The following EYS variants were observed in gnomAD, a reference collection of about 807,000 sequenced individuals.
EYS encodes protein eyes shut homolog.
In EYS, 250 loss-of-function variants were observed where a neutral mutation model predicts 282.1. The ratio of observed to expected loss-of-function variants is 0.89; its 90% CI spans 0.80 to 0.98. The LOEUF (loss-of-function observed/expected upper bound fraction) is 0.98, where lower values mean the gene tolerates loss of function less well. Ranked by LOEUF, EYS falls within the 50% of genes least tolerant of loss-of-function variation. The probability of loss-of-function intolerance (pLI) is 0.00; values close to 1 mark genes in which losing one functional copy is unlikely to be tolerated. For missense variants in EYS, 4,016 were observed against 3,709.0 expected, an observed-to-expected ratio of 1.08 and a Z score of -2.15; for synonymous variants, 1,355 against 1,282.9, an observed-to-expected ratio of 1.06 and a Z score of -1.20.
intron 28 of EYS, among the ~76,000 whole-genome samples, chr6:64,422,142 TAGAC>T (rs1449681048): frequency 2.0e-5 from 3 of 151,722 alleles, no homozygotes; most frequent in Non-Finnish European, 2.9e-5. Context: ...GATAGATTGA[TAGAC>T]AGATGATAGA....
At chr6:65,031,735 T>C (rs1382682174) in intron 13 of EYS, among the ~76,000 whole-genome samples, 1 of 152,058 alleles carries the variant, frequency 6.6e-6, no homozygotes, top group Non-Finnish European at 1.5e-5. Context: ...GAAAGTTGTG[T>C]TAAAAGCAAA....
chr6:65,233,003 TAAAG>T (rs1295519027), intron 12 of EYS, among the ~76,000 whole-genome samples: 8 of 152,192 alleles, frequency 5.3e-5, no homozygotes, highest in African/African-American at 1.7e-4. Flanking sequence ...TTCAGTTCAT[TAAAG>T]AATTTCCTTT....
intron 26 of EYS, among the ~76,000 whole-genome samples, chr6:64,532,470 G>A (rs1179204686): frequency 3.3e-5 from 5 of 152,142 alleles, no homozygotes; most frequent in Non-Finnish European, 5.9e-5. Context: ...AGCACTTTGG[G>A]AGGCGGAGGC....
intron 29 of EYS, among the ~76,000 whole-genome samples, chr6:64,342,914 G>T (rs925397573): frequency 2.0e-5 from 3 of 151,600 alleles, no homozygotes; most frequent in African/African-American, 7.3e-5. Context: ...TCCTAGTCTT[G>T]GATAAAACAG....
At chr6:64,581,488 G>C (rs989403851) in intron 26 of EYS, among the ~76,000 whole-genome samples, 4 of 151,956 alleles carry the variant, frequency 2.6e-5, no homozygotes, top group Admixed American at 2.0e-4. Context: ...TATTTTATTT[G>C]CTGTTTAATG....
chr6:64,950,810 T>C (rs867392100), intron 14 of EYS, among the ~76,000 whole-genome samples: 1 of 102,412 alleles, frequency 9.8e-6, no homozygotes, highest in African/African-American at 3.3e-5. Context: ...TATATATATA[T>C]ATATATATAT....
intron 22 of EYS, among the ~76,000 whole-genome samples, chr6:64,679,328 T>C (rs1171824486): frequency 6.6e-6 from 1 of 152,196 alleles, no homozygotes; most frequent in Non-Finnish European, 1.5e-5. Flanking sequence ...TCTTTTTGGA[T>C]ATATATAGCC....
chr6:64,670,051 G>C (rs567430202), intron 22 of EYS, among the ~76,000 whole-genome samples: 2 of 152,002 alleles, frequency 1.3e-5, no homozygotes, highest in African/African-American at 2.4e-5. Context: ...TCCAGGATCC[G>C]GGAGCCACCC....
chr6:63,876,287 T>G (rs1581922374), intron 35 of EYS, among the ~76,000 whole-genome samples: 1 of 152,246 alleles, frequency 6.6e-6, no homozygotes, highest in African/African-American at 2.4e-5. Context: ...CGGTTTTGAC[T>G]GAGTTTTTTA....
chr6:64,533,828 TATGCAC>T (rs1425127684), intron 26 of EYS, among the ~76,000 whole-genome samples: 2 of 151,778 alleles, frequency 1.3e-5, no homozygotes, highest in African/African-American at 4.8e-5. Context: ...CATAACTACA[TATGCAC>T]ATGCATATGC....
chr6:65,540,674 T>A (rs888775954), intron 2 of EYS, among the ~76,000 whole-genome samples: 2 of 152,100 alleles, frequency 1.3e-5, no homozygotes, highest in Non-Finnish European at 2.9e-5. Context: ...ATCCCAGCAC[T>A]TTGGGAGGCC....
At chr6:65,181,943 CA>C (rs1308834238) in intron 12 of EYS, among the ~76,000 whole-genome samples, 1 of 151,792 alleles carries the variant, frequency 6.6e-6, no homozygotes, top group African/African-American at 2.4e-5. Flanking sequence ...TCATTCTCAG[CA>C]AACTATAGCA....
intron 8 of EYS, among the ~76,000 whole-genome samples, chr6:65,378,905 G>T (rs746897480): frequency 7.9e-5 from 12 of 151,974 alleles, no homozygotes; most frequent in Middle Eastern, 6.8e-3. Flanking sequence ...ACTAGTGGAG[G>T]GATAACATTA....
intron 32 of EYS, among the ~76,000 whole-genome samples, chr6:64,079,721 G>A (rs917818578): frequency 6.6e-5 from 10 of 151,786 alleles, no homozygotes; most frequent in African/African-American, 1.5e-4. Flanking sequence ...ATCGCTCCCC[G>A]CTCCCCTGAT....
chr6:63,881,400 C>A (rs1436291931), intron 35 of EYS, among the ~76,000 whole-genome samples: 1 of 152,198 alleles, frequency 6.6e-6, no homozygotes, highest in East Asian at 1.9e-4. Flanking sequence ...TGGAGCAGAT[C>A]TCTGAATGCC....
At chr6:64,934,771 C>T (rs749640607) in intron 15 of EYS, among the ~76,000 whole-genome samples, 62 of 151,830 alleles carry the variant, frequency 4.1e-4, no homozygotes, top group South Asian at 6.2e-4. Context: ...AATGATAGTC[C>T]TTTAGGTTAA....
intron 12 of EYS, among the ~76,000 whole-genome samples, chr6:65,140,647 AG>A: frequency 6.6e-6 from 1 of 151,184 alleles, no homozygotes; most frequent in Non-Finnish European, 1.5e-5. Context: ...ATTGACAAGA[AG>A]AAAACAAACA....
intron 14 of EYS, among the ~76,000 whole-genome samples, chr6:64,991,197 CA>C (rs1218935692): frequency 2.0e-5 from 3 of 151,314 alleles, no homozygotes; most frequent in African/African-American, 7.3e-5. Context: ...AAATTATGTT[CA>C]ATAAATTCTT....
chr6:65,697,089 T>C (rs893201436), intron 1 of EYS, among the ~76,000 whole-genome samples: 1 of 151,672 alleles, frequency 6.6e-6, no homozygotes, highest in South Asian at 2.1e-4. Context: ...TTTTGTGTGT[T>C]TGTGTGTGTG....
Sources: allele counts gnomAD v4.1 joint callset (sites outside exome capture counted in the v4.1 genomes callset), GRCh38; gene constraint gnomAD v4.1.1; transcripts MANE v1.5; gene names NCBI Gene and HGNC (gene_info 2026-07-23, HGNC 2026-07-21).